Variants in LAMA3 observed in about 807,000 individuals in gnomAD.
LAMA3 encodes laminin subunit alpha 3, also known as laminin subunit alpha-3.
In LAMA3, 281 loss-of-function variants were observed where a neutral mutation model predicts 402.0. The ratio of observed to expected loss-of-function variants is 0.70; its 90% CI spans 0.63 to 0.77. The LOEUF is 0.77. Among genes scored for constraint, LAMA3 ranks in the 30% least tolerant of loss-of-function variants. The pLI, the probability that LAMA3 is intolerant of heterozygous loss-of-function variation, is 0.00. For synonymous variants in LAMA3, 1,431 were observed against 1,558.4 expected, an observed-to-expected ratio of 0.92 and a Z score of 1.93; for missense variants, 3,840 against 4,215.5, an observed-to-expected ratio of 0.91 and a Z score of 2.47.
intron 39 of LAMA3, among the ~76,000 whole-genome samples, chr18:23,877,109 G>A (rs2144870852): frequency 6.6e-6 from 1 of 152,284 alleles, no homozygotes; most frequent in South Asian, 2.1e-4. Flanking sequence ...CCAAGACAGA[G>A]CGGGGCTTGG....
intron 12 of LAMA3, among the ~76,000 whole-genome samples, chr18:23,807,003 A>G (rs2062974795): frequency 6.6e-6 from 1 of 152,202 alleles, no homozygotes; most frequent in South Asian, 2.1e-4. Flanking sequence ...CTTGCCTATC[A>G]TAATTATTTG....
chr18:23,919,865 G>A (rs1337267753), intron 60 of LAMA3, among the ~76,000 whole-genome samples: 1 of 151,272 alleles, frequency 6.6e-6, no homozygotes, highest in East Asian at 2.0e-4. Flanking sequence ...CTGTAGGGGG[G>A]AATGGACTTT....
intron 2 of LAMA3, among the ~76,000 whole-genome samples, chr18:23,743,492 T>G (rs1177768104): frequency 6.6e-6 from 1 of 152,166 alleles, no homozygotes; most frequent in East Asian, 1.9e-4. Flanking sequence ...ACCTATTACA[T>G]GCAGTCAGTC....
At chr18:23,866,177 T>C (rs1312330903) in intron 36 of LAMA3, among the ~76,000 whole-genome samples, 1 of 152,208 alleles carries the variant, frequency 6.6e-6, no homozygotes, top group Non-Finnish European at 1.5e-5. Context: ...AGAAAATTCC[T>C]TGAGGGCAAG....
At chr18:23,810,639 G>A in intron 13 of LAMA3, 136 bp downstream of exon 13, 1 of 960,528 alleles carries the variant, frequency 1.0e-6, no homozygotes, top group Non-Finnish European at 1.7e-6. Flanking sequence ...GATCTAGTCT[G>A]CTTGGTTCCT....
intron 32 of LAMA3, among the ~76,000 whole-genome samples, chr18:23,848,589 C>T (rs867021537): frequency 3.3e-5 from 5 of 152,272 alleles, no homozygotes; most frequent in South Asian, 4.1e-4. Context: ...CCCTTCAGCA[C>T]GCACCCCAGG....
At chr18:23,733,707 C>T (rs980381940) in intron 2 of LAMA3, among the ~76,000 whole-genome samples, 1 of 152,056 alleles carries the variant, frequency 6.6e-6, no homozygotes, top group Non-Finnish European at 1.5e-5. Flanking sequence ...GACCAGTTAT[C>T]CCAGTTTGCC....
chr18:23,705,677 C>G (rs1478243596), intron 1 of LAMA3, among the ~76,000 whole-genome samples: 2 of 151,962 alleles, frequency 1.3e-5, no homozygotes, highest in South Asian at 2.1e-4. Flanking sequence ...GCCACCATGC[C>G]CAGCTAATTT....
intron 61 of LAMA3, 141 bp from the exon 62 acceptor site, chr18:23,921,311 A>C (rs1474250994): frequency 1.1e-6 from 1 of 950,044 alleles, no homozygotes; most frequent in Non-Finnish European, 1.5e-6. Context: ...TTTATCCAAA[A>C]ATGCTACTGC....
chr18:23,942,377 T>C (rs892410955), intron 68 of LAMA3, among the ~76,000 whole-genome samples: 1 of 152,174 alleles, frequency 6.6e-6, no homozygotes, highest in African/African-American at 2.4e-5. Flanking sequence ...CCCTGCACCA[T>C]AAACCACTCA....
At chr18:23,779,235 A>G (rs1479097173) in intron 11 of LAMA3, among the ~76,000 whole-genome samples, 1 of 152,098 alleles carries the variant, frequency 6.6e-6, no homozygotes, top group Non-Finnish European at 1.5e-5. Flanking sequence ...AAATGATGTT[A>G]TATAGAAGGC....
At chr18:23,816,616 T>C (rs1298823913) in intron 18 of LAMA3, 129 bp downstream of exon 18, 7 of 756,436 alleles carry the variant, frequency 9.3e-6, no homozygotes, top group Non-Finnish European at 1.6e-5. Context: ...AGCTGTCCTA[T>C]GTCAATTGAA....
chr18:23,855,167 T>TC (rs1259452208), intron 32 of LAMA3, among the ~76,000 whole-genome samples: 1 of 152,182 alleles, frequency 6.6e-6, no homozygotes, highest in African/African-American at 2.4e-5. Flanking sequence ...ACCACCAGCA[T>TC]CTTATTAATT....
At chr18:23,725,019 T>G (rs1455472593) in intron 2 of LAMA3, among the ~76,000 whole-genome samples, 2 of 152,220 alleles carry the variant, frequency 1.3e-5, no homozygotes, top group Non-Finnish European at 2.9e-5. Context: ...CTCTCTCTTT[T>G]TCACTTTTTA....
Position 23,907,792 on chromosome 18 carries a change from T to C in LAMA3, c.6872T>C (p.Met2291Thr). ...GCTATGATCAGTAGTGCAAAGAGCA[T>C]GGTCAGAAAGGCCAACGACATCACA... ...IDAMISSAKS[M>T]VRKANDITDE... The change falls in exon 54 of 75, where the codon ATG becomes ACG. Residue 2291 changes from methionine to threonine, a missense_variant. By Grantham distance (81) the Met-to-Thr change is moderately conservative (BLOSUM62 -1). Transcript: ENST00000313654. 1 of 1,614,196 alleles carries C rather than the reference T, an allele frequency of 6.2e-7. No homozygotes were observed. The highest frequency in any genetic ancestry group is 8.5e-7 in the Non-Finnish European group (1 of 1,180,038).
At chr18:23,868,323 TGCCCATGTGGCTTTCTTG>T (rs2144790584) in intron 37 of LAMA3, among the ~76,000 whole-genome samples, 1 of 152,374 alleles carries the variant, frequency 6.6e-6, no homozygotes, top group South Asian at 2.1e-4. Context: ...GAGTGTTTGA[TGCCCATGTGGCTTTCTTG>T]GTACCATCTG....
At chr18:23,946,687 C>T (rs2082725267) in intron 70 of LAMA3, 1 of 187,486 alleles carries the variant, frequency 5.3e-6, no homozygotes, top group Admixed American at 5.4e-5. Flanking sequence ...ATTGGCTTAA[C>T]TGTTTTCTCT....
intron 2 of LAMA3, among the ~76,000 whole-genome samples, chr18:23,723,103 C>T (rs1249144977): frequency 6.6e-6 from 1 of 152,110 alleles, no homozygotes. Flanking sequence ...GCTTAGGCTG[C>T]CTTATGTCTT....
intron 52 of LAMA3, among the ~76,000 whole-genome samples, chr18:23,905,976 G>C (rs2145167424): frequency 6.6e-6 from 1 of 152,074 alleles, no homozygotes; most frequent in South Asian, 2.1e-4. Context: ...TGTTTCCCAG[G>C]CTGGGCTCAA....
Sources: gnomAD v4.1 joint callset for allele counts (sites outside exome capture counted in the v4.1 genomes callset) on GRCh38, gnomAD v4.1.1 for gene constraint, MANE v1.5 for transcripts, NCBI Gene and HGNC (gene_info 2026-07-23, HGNC 2026-07-21) for gene names.